Variants in TLR4 observed in about 807,000 individuals in gnomAD.
The protein encoded by TLR4 is toll like receptor 4, also known as toll-like receptor 4.
TLR4 carries 17 observed loss-of-function variants against 27.4 expected under a neutral mutation model. The observed-to-expected ratio is 0.62, with a 90% CI of 0.42 to 0.93. The LOEUF is 0.93. Ranked by LOEUF, TLR4 falls within the 40% of genes least tolerant of loss-of-function variation. The pLI, the probability that TLR4 is intolerant of heterozygous loss-of-function variation, is 0.00. For synonymous variants in TLR4, 363 were observed against 365.7 expected (o/e 0.99, Z 0.08); for missense variants, 926 against 962.3 (o/e 0.96, Z 0.50).
At position 117,713,244 on chromosome 9, in the gene TLR4, A is replaced by G. The variant is rs2131171219; in HGVS notation, c.1116A>G (p.Leu372=). The change falls in exon 3 of 3, where the codon CTA becomes CTG. Residue 372 remains leucine (L), a synonymous_variant. Transcript: ENST00000355622. ...KGGNAFSEVD[L]PSLEFLDLSR... ...GGAATGCTTTTTCAGAAGTTGATCT[A>G]CCAAGCCTTGAGTTTCTAGATCTCA... 1 of 1,614,044 alleles carries G rather than the reference A, an allele frequency of 6.2e-7. No homozygotes were observed. Among genetic ancestry groups the G allele is most frequent in the Middle Eastern group, 1.6e-4 (1 of 6,062 alleles).
chr9:117,704,557 T>C lies in TLR4; in HGVS notation c.85T>C (p.Cys29Arg). 1.2e-6 allele frequency: 2 copies of C among 1,613,750 alleles called. No individual in the cohort carries two copies. Among genetic ancestry groups the C allele is most frequent in the Non-Finnish European group, 1.7e-6 (2 of 1,179,830 alleles). ...CGTGAGACCAGAAAGCTGGGAGCCC[T>C]GCGTGGAGGTATGTGGCTGGAGTCA... is the stretch of plus-strand genomic sequence containing the variant. Reference protein sequence around the residue: ...SCVRPESWEPCVEVVPNITYQ... With the variant: ...SCVRPESWEPRVEVVPNITYQ... The change falls in exon 1 of 3, where the codon TGC becomes CGC. Residue 29 changes from cysteine (C) to arginine (R), a missense_variant. Physicochemically the swap from Cys to Arg is radical, Grantham distance 180 (BLOSUM62 -3). Transcript: ENST00000355622.
At chr9:117,708,308 T>C in intron 1 of TLR4, 1 of 1,266,380 alleles carries the variant, frequency 7.9e-7, no homozygotes, top group Non-Finnish European at 1.0e-6. Context: ...TGCTGCCGTT[T>C]TATCACGGAG....
In TLR4 at chr9:117,708,450, C is replaced by T. The variant is rs1829173210; in HGVS notation, c.94-113C>T. On this transcript the variant is annotated intron_variant, in intron 1 of 2. Coordinates refer to ENST00000355622, the MANE Select transcript of TLR4 (RefSeq NM_138554.5). The stretch of plus-strand genomic sequence containing the variant: ...GATGGACAGATGGATGAAAGGTTGA[C>T]TGAATTTTGTGCTTGCACAAAAAGA... The T allele has an allele frequency of 6.3e-6, 10 of 1,591,298 alleles. No individual in the cohort carries two copies. In the South Asian group the frequency reaches 1.1e-4, roughly 18 times the overall value.
At position 117,704,539 on chromosome 9, in the gene TLR4, C is replaced by G. The variant is rs1191926239; in HGVS notation, c.67C>G (p.Pro23Ala). 1.2e-6 allele frequency: 2 copies of G among 1,613,964 alleles called. No individual in the cohort carries two copies. The highest frequency in any genetic ancestry group is 2.2e-5 in the South Asian group (2 of 91,090). Reference protein sequence around the residue: ...PAMAFLSCVRPESWEPCVEVV... With the variant: ...PAMAFLSCVRAESWEPCVEVV... Reference sequence around the variant, plus strand: ...CATGGCCTTCCTCTCCTGCGTGAGACCAGAAAGCTGGGAGCCCTGCGTGGA... The same window carrying G: ...CATGGCCTTCCTCTCCTGCGTGAGAGCAGAAAGCTGGGAGCCCTGCGTGGA... Residue 23 changes from proline to alanine, a missense_variant, in exon 1 of 3, where the codon CCA (proline) becomes GCA (alanine). Pro to Ala is a conservative substitution (Grantham distance 27). Transcript: ENST00000355622.
In TLR4 at chr9:117,704,559, C is replaced by T. The variant is rs202003047; in HGVS notation, c.87C>T (p.Cys29=). ...SCVRPESWEP[C]VEVVPNITYQ... ...TGAGACCAGAAAGCTGGGAGCCCTG[C>T]GTGGAGGTATGTGGCTGGAGTCAGC... is the stretch of plus-strand genomic sequence containing the variant. The change falls in exon 1 of 3, where the codon TGC becomes TGT. Residue 29 remains cysteine, a synonymous_variant. Coordinates refer to ENST00000355622, the MANE Select transcript of TLR4 (RefSeq NM_138554.5). 11 of 1,613,522 alleles carry T rather than the reference C, an allele frequency of 6.8e-6. No individual in the cohort carries two copies. The East Asian group carries it at 1.3e-4, about 20-fold the overall frequency.
chr9:117,708,955 G>T, intron 2 of TLR4: 1 of 515,576 alleles, frequency 1.9e-6, no homozygotes, highest in South Asian at 2.3e-5. Flanking sequence ...GCTTCTAAGG[G>T]CAATTCTAAT....
chr9:117,716,380 C>G lies in TLR4; in HGVS notation c.*1732C>G, dbSNP rs1469682556. 6.6e-6 allele frequency: 1 copy of G among 151,930 alleles called. No homozygotes were observed. Among genetic ancestry groups the G allele is most frequent in the Admixed American group, 6.6e-5 (1 of 15,260 alleles). 9.4% of individuals were successfully genotyped at this position (151,930 alleles called of 1,614,324 possible). A position where few individuals can be genotyped will look rare whatever the true frequency, so the allele number is the denominator to read the frequency against. On this transcript the variant is annotated 3_prime_UTR_variant, in exon 3 of 3. Transcript: ENST00000355622. The stretch of plus-strand genomic sequence containing the variant: ...ATACGTACAATGGGATATTATTCAG[C>G]CTAAAAAAAGGGGGAATCCTGTTAT...
chr9:117,708,909 T>A, intron 2 of TLR4, 180 bp downstream of exon 2: 1 of 723,678 alleles, frequency 1.4e-6, no homozygotes, highest in Non-Finnish European at 2.2e-6. Context: ...CAGGTCTCAG[T>A]TTTCTAATCT....
At chr9:117,712,334 T>A in intron 2 of TLR4, 55 bp from the exon 3 acceptor site, 1 of 1,524,574 alleles carries the variant, frequency 6.6e-7, no homozygotes, top group Non-Finnish European at 9.0e-7. Context: ...ATATTCTATT[T>A]TAGGTTCTTA....
At chr9:117,711,964 G>C (rs1554753259) in intron 2 of TLR4, among the ~76,000 whole-genome samples, 4 of 152,024 alleles carry the variant, frequency 2.6e-5, no homozygotes, top group Non-Finnish European at 5.9e-5. Flanking sequence ...ATTTATCTTG[G>C]CTACCAACTA....
Position 117,712,791 on chromosome 9 carries a change from T to C in TLR4, c.663T>C (p.Gly221=). 1 of 1,614,054 alleles carries C rather than the reference T, an allele frequency of 6.2e-7. No individual in the cohort carries two copies. Among genetic ancestry groups the C allele is most frequent in the Non-Finnish European group, 8.5e-7 (1 of 1,180,006 alleles). ...SLNPMNFIQP[G]AFKEIRLHKL... is the part of the protein sequence containing the mutation. ...ACCCTATGAACTTTATCCAACCAGGTGCATTTAAAGAAATTAGGCTTCATA... is the reference window on the plus strand; with the variant it reads ...ACCCTATGAACTTTATCCAACCAGGCGCATTTAAAGAAATTAGGCTTCATA... The change falls in exon 3 of 3, where the codon GGT becomes GGC. Residue 221 remains glycine, a synonymous_variant. Coordinates refer to ENST00000355622, the MANE Select transcript of TLR4 (RefSeq NM_138554.5).
At position 117,718,083 on chromosome 9, in the gene TLR4, T is replaced by C. The variant is rs1313795610; in HGVS notation, c.*3435T>C. ...AAAACTATATATTTGAATATCTCAT[T>C]AGCTGAGTAAGGTAGCAAATCATAA... On this transcript the variant is annotated 3_prime_UTR_variant, in exon 3 of 3. Transcript: ENST00000355622. 6.6e-6 allele frequency: 1 copy of C among 152,206 alleles called. No homozygotes were observed. Among genetic ancestry groups the C allele is most frequent in the Non-Finnish European group, 1.5e-5 (1 of 68,024 alleles). The allele number at this position is 152,206 out of a possible 1,614,324, so 9.4% of individuals were successfully genotyped here.
At position 117,713,628 on chromosome 9, in the gene TLR4, C is replaced by T. The variant is rs556171096; in HGVS notation, c.1500C>T (p.Phe500=). 1 of 1,614,118 alleles carries T rather than the reference C, an allele frequency of 6.2e-7. No individual in the cohort carries two copies. The highest frequency in any genetic ancestry group is 1.1e-5 in the South Asian group (1 of 91,088). Residue 500 remains phenylalanine (F), a synonymous_variant, in exon 3 of 3, where the codon TTC becomes TTT. Coordinates refer to ENST00000355622, the MANE Select transcript of TLR4 (RefSeq NM_138554.5). ...DIFTELRNLT[F]LDLSQCQLEQ... ...TCACAGAGCTGAGAAACTTGACCTTCCTGGACCTCTCTCAGTGTCAACTGG... is the reference window on the plus strand; with the variant it reads ...TCACAGAGCTGAGAAACTTGACCTTTCTGGACCTCTCTCAGTGTCAACTGG...
rs1048749755 is a variant in TLR4 at position 117,714,286 on chromosome 9, G to A, written c.2158G>A (p.Ala720Thr). ...RDFIPGVAIA[A>T]NIIHEGFHKS... ...CTTTATTCCCGGTGTGGCCATTGCT[G>A]CCAACATCATCCATGAAGGTTTCCA... is the stretch of plus-strand genomic sequence containing the variant. Residue 720 changes from alanine (A) to threonine (T), a missense_variant, in exon 3 of 3, where the codon GCC (alanine) becomes ACC (threonine). Transcript: ENST00000355622. The A allele has an allele frequency of 1.9e-6, 3 of 1,592,906 alleles. No homozygotes were observed. The highest frequency in any genetic ancestry group is 1.7e-5 in the Admixed American group (1 of 59,166).
In TLR4 at chr9:117,723,888, T is replaced by G. The variant is rs1293537085; in HGVS notation, c.*9240T>G. 1 of 152,224 alleles carries G rather than the reference T, an allele frequency of 6.6e-6. No individual in the cohort carries two copies. The highest frequency in any genetic ancestry group is 1.9e-4 in the East Asian group (1 of 5,196). The allele number at this position is 152,224 out of a possible 1,614,324, so 9.4% of individuals were successfully genotyped here. A position where few individuals can be genotyped will look rare whatever the true frequency, so the allele number is the denominator to read the frequency against. ...AGTGATATCTCCCAGGCTCCTACAC[T>G]GTTAGTCACAGAGGTACCATTCGAC... On this transcript the variant is annotated 3_prime_UTR_variant, in exon 3 of 3. Coordinates refer to ENST00000355622, the MANE Select transcript of TLR4 (RefSeq NM_138554.5).
intron 1 of TLR4, among the ~76,000 whole-genome samples, chr9:117,706,328 C>T (rs1394306455): frequency 6.6e-6 from 1 of 152,134 alleles, no homozygotes; most frequent in African/African-American, 2.4e-5. Flanking sequence ...GCCTCAAATC[C>T]CCTTATACTG....
chr9:117,718,276 AG>A lies in TLR4; in HGVS notation c.*3630del, dbSNP rs1439156157. On this transcript the variant is annotated 3_prime_UTR_variant, in exon 3 of 3. Coordinates refer to ENST00000355622, the MANE Select transcript of TLR4 (RefSeq NM_138554.5). ...GCTTCATGCTTAAAGTTGGCAAAAC[AG>A]GAAGTGAAACTCCTGCAGTTTTCTG... 4 of 152,154 alleles carry A rather than the reference AG, an allele frequency of 2.6e-5. No individual in the cohort carries two copies. Among genetic ancestry groups the A allele is most frequent in the Non-Finnish European group, 1.5e-5 (1 of 68,028 alleles). The allele number at this position is 152,154 out of a possible 1,614,324, so 9.4% of individuals were successfully genotyped here.
chr9:117,714,174 C>G lies in TLR4; in HGVS notation c.2046C>G (p.Ser682Arg). ...NIYDAFVIYSSQDEDWVRNEL... is the reference protein window; with the variant it reads ...NIYDAFVIYSRQDEDWVRNEL... ...ATGATGCCTTTGTTATCTACTCAAG[C>G]CAGGATGAGGACTGGGTAAGGAATG... Residue 682 changes from serine to arginine, a missense_variant, in exon 3 of 3, where the codon AGC becomes AGG. Coordinates refer to ENST00000355622, the MANE Select transcript of TLR4 (RefSeq NM_138554.5). 3.7e-6 allele frequency: 6 copies of G among 1,613,926 alleles called. No individual in the cohort carries two copies. The highest frequency in any genetic ancestry group is 5.1e-6 in the Non-Finnish European group (6 of 1,179,908).
Position 117,708,668 on chromosome 9 carries a change from A to G in TLR4, c.199A>G (p.Arg67Gly). The G allele has an allele frequency of 6.2e-7, 1 of 1,613,932 alleles. No individual in the cohort carries two copies. Residue 67 changes from arginine to glycine, a missense_variant, in exon 2 of 3, where the codon AGG becomes GGG. By Grantham distance (125) the Arg-to-Gly change is moderately radical. Transcript: ENST00000355622. ...CCTGGACCTGAGCTTTAATCCCCTG[A>G]GGCATTTAGGCAGCTATAGCTTCTT... is the stretch of plus-strand genomic sequence containing the variant. ...KNLDLSFNPL[R>G]HLGSYSFFSF...
Sources: allele counts gnomAD v4.1 joint callset (sites outside exome capture counted in the v4.1 genomes callset), GRCh38; gene constraint gnomAD v4.1.1; transcripts MANE v1.5; gene names NCBI Gene and HGNC (gene_info 2026-07-23, HGNC 2026-07-21).